The following SGCE variants were observed in gnomAD, a reference collection of about 807,000 sequenced individuals.
SGCE encodes the protein sarcoglycan epsilon, also known as epsilon-sarcoglycan.
SGCE carries 26 observed loss-of-function variants against 57.8 expected under a neutral mutation model. That is an observed-to-expected ratio of 0.45 (90% CI 0.33 to 0.62). SGCE has a LOEUF of 0.62. Ranked by LOEUF, SGCE falls within the 20% of genes least tolerant of loss-of-function variation. The pLI is 0.02. For missense variants in SGCE, 468 were observed against 548.6 expected (o/e 0.85, Z 1.47); for synonymous variants, 183 against 189.5 (o/e 0.97, Z 0.28).
At chr7:94,634,844 CAAAT>C (rs904870580) in intron 1 of SGCE, among the ~76,000 whole-genome samples, 9 of 152,116 alleles carry the variant, frequency 5.9e-5, no homozygotes, top group African/African-American at 1.9e-4. Flanking sequence ...AATACATTCA[CAAAT>C]AAATAGGTGT....
At chr7:94,603,261 AAAC>A (rs1390859736) in intron 6 of SGCE, 26 bp downstream of exon 6, 2 of 1,583,198 alleles carry the variant, frequency 1.3e-6, no homozygotes, top group East Asian at 4.5e-5. Flanking sequence ...ATTTTTAACT[AAAC>A]TTGCAAAAAC....
At chr7:94,610,162 A>G (rs1046325745) in intron 5 of SGCE, among the ~76,000 whole-genome samples, 3 of 152,232 alleles carry the variant, frequency 2.0e-5, no homozygotes, top group African/African-American at 7.2e-5. Flanking sequence ...AAAAACCACT[A>G]TGGAGACAGT....
chr7:94,643,546 A>T (rs1283633976), intron 1 of SGCE, among the ~76,000 whole-genome samples: 2 of 152,176 alleles, frequency 1.3e-5, no homozygotes, highest in African/African-American at 4.8e-5. Flanking sequence ...AAGTCCAATA[A>T]ATCCCAATAA....
chr7:94,606,027 C>A (rs1218521655), intron 5 of SGCE, among the ~76,000 whole-genome samples: 1 of 151,976 alleles, frequency 6.6e-6, no homozygotes, highest in African/African-American at 2.4e-5. Flanking sequence ...TGGGTTTTCA[C>A]CATGTTGGCT....
chr7:94,585,663 G>T, intron 10 of SGCE, 148 bp from the exon 11 acceptor site: 1 of 635,298 alleles, frequency 1.6e-6, no homozygotes, highest in Non-Finnish European at 2.9e-6. Flanking sequence ...CTCTGTATTT[G>T]GTTTTTTTAA....
intron 1 of SGCE, among the ~76,000 whole-genome samples, chr7:94,631,081 G>A (rs1804639617): frequency 6.6e-6 from 1 of 151,914 alleles, no homozygotes; most frequent in Non-Finnish European, 1.5e-5. Context: ...GTGTAACAGA[G>A]GGAAGGAAGC....
intron 2 of SGCE, chr7:94,629,072 CAATAT>C (rs1156717583): frequency 6.6e-6 from 1 of 152,014 alleles, no homozygotes; most frequent in African/African-American, 2.4e-5. Flanking sequence ...CATTCTTATA[CAATAT>C]AATTTTCAGA....
chr7:94,656,040 C>T lies in SGCE; in HGVS notation c.59G>A (p.Arg20Gln), dbSNP rs759241679. The T allele has an allele frequency of 3.2e-5, 51 of 1,613,466 alleles. No individual in the cohort carries two copies. The highest frequency in any genetic ancestry group is 7.7e-5 in the South Asian group (7 of 91,062). Residue 20 changes from arginine to glutamine, a missense_variant, in exon 1 of 11, where the codon CGG becomes CAG. Transcript: ENST00000648936. ...CGCGGGGCTCATCCTGCGTGTCCCC[C>T]GACCCTGTCCCGTCCAAGCACAGGG... Reference protein sequence around the residue: ...GDPCAWTGQGRGTRRMSPATT... With the variant: ...GDPCAWTGQGQGTRRMSPATT...
In SGCE at chr7:94,648,123, A is replaced by G. The variant is rs187263410; in HGVS notation, c.109+7867T>C. Among the ~76,000 whole-genome samples, 696 of 152,248 alleles carry G rather than the reference A, an allele frequency of 4.6e-3. 9 individuals carry two copies. The highest frequency in any genetic ancestry group is 0.015 in the African/African-American group (612 of 41,528). On this transcript the variant is annotated intron_variant, in intron 1 of 10. Coordinates refer to ENST00000648936, the MANE Select transcript of SGCE (RefSeq NM_003919.3). ...TGTGGTGGCTCACACCTGTAATCCC[A>G]ACACTCTGGGAGGCTGAGGTGGGAG...
chr7:94,586,350 C>T (rs936814364), intron 10 of SGCE, among the ~76,000 whole-genome samples: 4 of 152,124 alleles, frequency 2.6e-5, no homozygotes, highest in Admixed American at 2.0e-4. Context: ...AATATATAAA[C>T]AGCACTAAAT....
At chr7:94,599,769 T>G in intron 7 of SGCE, 46 bp from the exon 8 acceptor site, 1 of 1,319,724 alleles carries the variant, frequency 7.6e-7, no homozygotes. Context: ...GCATTGATAT[T>G]TGGAACATTA....
chr7:94,614,308 G>A (rs1286632393), intron 5 of SGCE, among the ~76,000 whole-genome samples: 2 of 151,922 alleles, frequency 1.3e-5, no homozygotes, highest in East Asian at 1.9e-4. Flanking sequence ...TAAAATCCCA[G>A]CACCTATATC....
At chr7:94,644,721 G>A in intron 1 of SGCE, 6 of 819,912 alleles carry the variant, frequency 7.3e-6, no homozygotes, top group South Asian at 7.3e-5. Context: ...TAGCTCACGT[G>A]TCCGGCATCC....
intron 1 of SGCE, among the ~76,000 whole-genome samples, chr7:94,649,612 C>G (rs909662775): frequency 6.6e-6 from 1 of 152,184 alleles, no homozygotes; most frequent in African/African-American, 2.4e-5. Flanking sequence ...AACAGGGATG[C>G]AAGCCATCTC....
intron 5 of SGCE, among the ~76,000 whole-genome samples, chr7:94,616,213 C>T: frequency 6.6e-6 from 1 of 152,150 alleles, no homozygotes; most frequent in Non-Finnish European, 1.5e-5. Context: ...AGTAGATTTA[C>T]TCTGAGGTTC....
intron 5 of SGCE, among the ~76,000 whole-genome samples, chr7:94,611,149 A>T (rs2116813753): frequency 6.6e-6 from 1 of 152,338 alleles, no homozygotes; most frequent in Non-Finnish European, 1.5e-5. Context: ...TCCTAGGGAT[A>T]TACTTCAGAA....
intron 4 of SGCE, chr7:94,620,645 A>G (rs1802623138): frequency 6.6e-6 from 1 of 152,214 alleles, no homozygotes; most frequent in Non-Finnish European, 1.5e-5. Flanking sequence ...CATTTCATTC[A>G]ATGTTTTTAC....
At chr7:94,623,913 A>G (rs750184594) in intron 3 of SGCE, 6 of 363,778 alleles carry the variant, frequency 1.6e-5, no homozygotes, top group Non-Finnish European at 2.9e-5. Context: ...TTACGATGGG[A>G]GTAAAGTAGT....
chr7:94,633,568 A>G (rs1390355850), intron 1 of SGCE, among the ~76,000 whole-genome samples: 1 of 152,048 alleles, frequency 6.6e-6, no homozygotes, highest in Non-Finnish European at 1.5e-5. Flanking sequence ...CAACAACTCT[A>G]TATTATGTGA....
Sources: gnomAD v4.1 joint callset for allele counts (sites outside exome capture counted in the v4.1 genomes callset) on GRCh38, gnomAD v4.1.1 for gene constraint, MANE v1.5 for transcripts, NCBI Gene and HGNC (gene_info 2026-07-23, HGNC 2026-07-21) for gene names.